The following GUCY1A2 variants were observed in gnomAD, a reference collection of about 807,000 sequenced individuals.
The protein encoded by GUCY1A2 is guanylate cyclase 1 soluble subunit alpha 2.
Under a neutral mutation model 63.5 loss-of-function variants are expected in GUCY1A2, and 27 were observed. That is an observed-to-expected ratio of 0.43 (90% CI 0.31 to 0.59). The LOEUF (loss-of-function observed/expected upper bound fraction) is 0.59, where lower values mean the gene tolerates loss of function less well. Among genes scored for constraint, GUCY1A2 ranks in the 20% least tolerant of loss-of-function variants. The probability of loss-of-function intolerance (pLI) is 0.11; values close to 1 mark genes in which losing one functional copy is unlikely to be tolerated. For missense variants in GUCY1A2, 768 were observed against 913.3 expected (o/e 0.84, Z 2.05); for synonymous variants, 364 against 343.5 (o/e 1.06, Z -0.66).
chr11:106,839,711 G>A (rs1173763934), intron 4 of GUCY1A2, among the ~76,000 whole-genome samples: 1 of 151,896 alleles, frequency 6.6e-6, no homozygotes, highest in East Asian at 1.9e-4. Flanking sequence ...CCTTTGTAGG[G>A]ACATGGATAA....
chr11:106,866,968 C>A (rs2135461396), intron 4 of GUCY1A2, among the ~76,000 whole-genome samples: 1 of 152,080 alleles, frequency 6.6e-6, no homozygotes, highest in East Asian at 1.9e-4. Flanking sequence ...TCCACAAGCC[C>A]TAGGTACTGC....
intron 3 of GUCY1A2, among the ~76,000 whole-genome samples, chr11:106,955,464 T>C (rs1014362359): frequency 1.3e-5 from 2 of 152,228 alleles, no homozygotes; most frequent in Non-Finnish European, 2.9e-5. Flanking sequence ...CCATATTTAG[T>C]GCTTCTTTTA....
intron 6 of GUCY1A2, among the ~76,000 whole-genome samples, chr11:106,718,265 T>C (rs1038498619): frequency 8.6e-5 from 13 of 151,404 alleles, no homozygotes; most frequent in Admixed American, 6.0e-4. Flanking sequence ...CTATTATCAC[T>C]TGTATAAAAT....
chr11:106,836,032 C>T (rs989220198), intron 4 of GUCY1A2, among the ~76,000 whole-genome samples: 3 of 151,878 alleles, frequency 2.0e-5, no homozygotes, highest in African/African-American at 7.2e-5. Context: ...CCAAATGATT[C>T]TTTGTATTGA....
chr11:106,720,315 A>G (rs1863293825), intron 6 of GUCY1A2, among the ~76,000 whole-genome samples: 1 of 152,204 alleles, frequency 6.6e-6, no homozygotes. Context: ...CTCCAAAGGC[A>G]AACGACTTTG....
At chr11:106,919,870 G>A (rs1271352944) in intron 4 of GUCY1A2, among the ~76,000 whole-genome samples, 1 of 152,068 alleles carries the variant, frequency 6.6e-6, no homozygotes, top group African/African-American at 2.4e-5. Flanking sequence ...TCTTCATGGA[G>A]TTTATCTACC....
intron 3 of GUCY1A2, among the ~76,000 whole-genome samples, chr11:106,972,021 G>A (rs980900664): frequency 1.3e-5 from 2 of 151,944 alleles, no homozygotes; most frequent in Non-Finnish European, 2.9e-5. Flanking sequence ...AAAGCAAACA[G>A]GAAACAAACA....
At chr11:106,751,909 T>A (rs1399274498) in intron 6 of GUCY1A2, among the ~76,000 whole-genome samples, 1 of 152,222 alleles carries the variant, frequency 6.6e-6, no homozygotes, top group Non-Finnish European at 1.5e-5. Context: ...TATTTCTACA[T>A]TGATAAATCT....
At chr11:106,893,709 A>T (rs1164072980) in intron 4 of GUCY1A2, among the ~76,000 whole-genome samples, 1 of 152,194 alleles carries the variant, frequency 6.6e-6, no homozygotes, top group African/African-American at 2.4e-5. Context: ...AGAGAAAGAC[A>T]GGCAGATACA....
chr11:106,964,219 T>C (rs935265356), intron 3 of GUCY1A2, among the ~76,000 whole-genome samples: 9 of 152,232 alleles, frequency 5.9e-5, no homozygotes, highest in Admixed American at 5.2e-4. Flanking sequence ...ATATACCTTA[T>C]AGTTGTATTA....
intron 1 of GUCY1A2, among the ~76,000 whole-genome samples, chr11:107,012,466 T>A (rs376155343): frequency 8.5e-5 from 13 of 152,170 alleles, no homozygotes; most frequent in African/African-American, 3.1e-4. Flanking sequence ...ATATTCCTCC[T>A]TATACACAAC....
chr11:106,883,487 T>C (rs1859855278), intron 4 of GUCY1A2, among the ~76,000 whole-genome samples: 1 of 152,094 alleles, frequency 6.6e-6, no homozygotes, highest in African/African-American at 2.4e-5. Context: ...ATGGTTTCCG[T>C]CCCCATGGAG....
intron 4 of GUCY1A2, among the ~76,000 whole-genome samples, chr11:106,934,539 G>A (rs1178151025): frequency 6.6e-6 from 1 of 152,120 alleles, no homozygotes; most frequent in South Asian, 2.1e-4. Context: ...CAACTGTCTA[G>A]AAAAGATAAG....
rs192402523 is a variant in GUCY1A2, at chr11:106,882,010, G to C, written c.1206+57450C>G. Reference sequence around the variant, plus strand: ...AATTACAAGGCTTCTAGCATGATGAGTAATTTTTTCTCCACTGGAAATTTT... The same window carrying C: ...AATTACAAGGCTTCTAGCATGATGACTAATTTTTTCTCCACTGGAAATTTT... On this transcript the variant is annotated intron_variant, in intron 4 of 7. Coordinates refer to ENST00000526355, the MANE Select transcript of GUCY1A2 (RefSeq NM_000855.3). Among the ~76,000 whole-genome samples, 16 of 151,998 alleles carry C rather than the reference G, an allele frequency of 1.1e-4. No homozygotes were observed. The East Asian group carries it at 3.1e-3, about 29-fold the overall frequency.
At chr11:106,735,456 T>C (rs1045463330) in intron 6 of GUCY1A2, among the ~76,000 whole-genome samples, 1 of 152,196 alleles carries the variant, frequency 6.6e-6, no homozygotes, top group Admixed American at 6.6e-5. Flanking sequence ...TTCATTCATG[T>C]TGTTGCAAAT....
intron 6 of GUCY1A2, among the ~76,000 whole-genome samples, chr11:106,727,448 T>C (rs1316830343): frequency 6.6e-6 from 1 of 152,190 alleles, no homozygotes; most frequent in Non-Finnish European, 1.5e-5. Context: ...GATGAGAACA[T>C]GTGATGGATG....
intron 6 of GUCY1A2, among the ~76,000 whole-genome samples, chr11:106,774,844 TTC>T (rs1029855309): frequency 2.6e-5 from 4 of 152,220 alleles, no homozygotes; most frequent in Admixed American, 1.3e-4. Context: ...GTCCACTTTG[TTC>T]TCTCTTCTTT....
intron 4 of GUCY1A2, among the ~76,000 whole-genome samples, chr11:106,903,211 TA>T (rs548122328): frequency 1.1e-3 from 164 of 148,770 alleles, no homozygotes; most frequent in Admixed American, 2.9e-3. Context: ...TCTGAAATGA[TA>T]AAAAAAAAAC....
chr11:107,009,457 C>A (rs981815164), intron 1 of GUCY1A2, among the ~76,000 whole-genome samples: 1 of 152,184 alleles, frequency 6.6e-6, no homozygotes. Flanking sequence ...CACAACCACC[C>A]TTCTTTTTTT....
Sources: allele counts gnomAD v4.1 joint callset (sites outside exome capture counted in the v4.1 genomes callset), GRCh38; gene constraint gnomAD v4.1.1; transcripts MANE v1.5; gene names NCBI Gene and HGNC (gene_info 2026-07-23, HGNC 2026-07-21).